The following CDH18 variants were observed in gnomAD, a reference collection of about 807,000 sequenced individuals.
CDH18 encodes the protein cadherin-18.
In CDH18, 31 loss-of-function variants were observed where a neutral mutation model predicts 67.9. The ratio of observed to expected loss-of-function variants is 0.46; its 90% CI spans 0.34 to 0.62. CDH18 has a LOEUF of 0.62. Among genes scored for constraint, CDH18 ranks in the 20% least tolerant of loss-of-function variants. CDH18 has a pLI of 0.01. For missense variants in CDH18, 890 were observed against 975.5 expected, an observed-to-expected ratio of 0.91 and a Z score of 1.17; for synonymous variants, 362 against 347.2, an observed-to-expected ratio of 1.04 and a Z score of -0.48.
chr5:19,935,911 ATTG>A (rs1442612610), intron 2 of CDH18, among the ~76,000 whole-genome samples: 1 of 146,712 alleles, frequency 6.8e-6, no homozygotes, highest in Non-Finnish European at 1.5e-5. Flanking sequence ...GTTTCGCTTA[ATTG>A]TTTAGTCACA....
intron 5 of CDH18, among the ~76,000 whole-genome samples, chr5:19,624,739 C>T (rs536072310): frequency 6.6e-6 from 1 of 152,232 alleles, no homozygotes; most frequent in African/African-American, 2.4e-5. Context: ...CTAAAGGAAG[C>T]TCAGGACCAC....
intron 1 of CDH18, among the ~76,000 whole-genome samples, chr5:20,302,442 C>T (rs1430343105): frequency 6.6e-6 from 1 of 152,136 alleles, no homozygotes; most frequent in Non-Finnish European, 1.5e-5. Context: ...TGCCTACTAT[C>T]GCTATGTCTG....
intron 1 of CDH18, among the ~76,000 whole-genome samples, chr5:20,573,566 G>C (rs1167365942): frequency 6.6e-6 from 1 of 150,502 alleles, no homozygotes; most frequent in Non-Finnish European, 1.5e-5. Context: ...AAATAAAATG[G>C]AATTATTAAA....
intron 1 of CDH18, among the ~76,000 whole-genome samples, chr5:20,371,284 G>A (rs1742979229): frequency 6.6e-6 from 1 of 152,138 alleles, no homozygotes. Flanking sequence ...GAAGACTAGA[G>A]GTAGATTATG....
At chr5:20,076,797 A>C (rs1464681801) in intron 2 of CDH18, among the ~76,000 whole-genome samples, 1 of 152,316 alleles carries the variant, frequency 6.6e-6, no homozygotes, top group African/African-American at 2.4e-5. Flanking sequence ...GTAGGATAAA[A>C]GTACTAAGGC....
chr5:20,300,303 CGT>C (rs67689740), intron 1 of CDH18, among the ~76,000 whole-genome samples: 1,823 of 148,572 alleles, frequency 0.012, 19 homozygotes, highest in African/African-American at 0.025. Context: ...TGTGTGTGTG[CGT>C]GTGTGTGTGT....
At chr5:20,496,970 T>C (rs979764312) in intron 1 of CDH18, among the ~76,000 whole-genome samples, 2 of 143,554 alleles carry the variant, frequency 1.4e-5, no homozygotes, top group South Asian at 4.7e-4. Flanking sequence ...TAGTGGAGGG[T>C]GGGGCAAAAT....
intron 3 of CDH18, among the ~76,000 whole-genome samples, chr5:19,758,189 T>G (rs1327956013): frequency 1.3e-5 from 2 of 152,180 alleles, no homozygotes; most frequent in Non-Finnish European, 2.9e-5. Context: ...AACGCTGCTG[T>G]GTATGACCCA....
intron 1 of CDH18, among the ~76,000 whole-genome samples, chr5:19,982,628 A>C (rs1466150013): frequency 6.6e-6 from 1 of 152,170 alleles, no homozygotes; most frequent in Non-Finnish European, 1.5e-5. Context: ...TATCTCTCAC[A>C]ATGGGTTGCA....
At chr5:19,886,147 C>T (rs1788166786) in intron 2 of CDH18, 1 of 152,168 alleles carries the variant, frequency 6.6e-6, no homozygotes, top group Non-Finnish European at 1.5e-5. Context: ...TCACACCACT[C>T]AATCTTTATT....
intron 1 of CDH18, among the ~76,000 whole-genome samples, chr5:20,358,932 C>CTTTT (rs66786530): frequency 3.9e-5 from 5 of 128,150 alleles, no homozygotes; most frequent in Non-Finnish European, 8.1e-5. Context: ...TTTTTTCTTT[C>CTTTT]TTTTTTTTTT....
At chr5:20,056,354 G>T in intron 2 of CDH18, among the ~76,000 whole-genome samples, 1 of 146,504 alleles carries the variant, frequency 6.8e-6, no homozygotes. Context: ...AAAAAAAAGT[G>T]CACTTTCACA....
chr5:19,488,745 T>A (rs1740803283), intron 11 of CDH18, among the ~76,000 whole-genome samples: 1 of 152,282 alleles, frequency 6.6e-6, no homozygotes, highest in South Asian at 2.1e-4. Flanking sequence ...TATATTGACA[T>A]GGAGGAAGAA....
At chr5:20,254,176 G>T (rs538554203) in intron 2 of CDH18, among the ~76,000 whole-genome samples, 1 of 152,108 alleles carries the variant, frequency 6.6e-6, no homozygotes, top group East Asian at 1.9e-4. Context: ...GCAGTGGTGC[G>T]ATCTTGGCTC....
At chr5:19,601,753 G>A (rs1747168520) in intron 6 of CDH18, among the ~76,000 whole-genome samples, 1 of 151,874 alleles carries the variant, frequency 6.6e-6, no homozygotes. Context: ...TGTACACCAT[G>A]AGCAATTGGG....
At chr5:19,726,845 G>A (rs1298740318) in intron 4 of CDH18, among the ~76,000 whole-genome samples, 2 of 152,114 alleles carry the variant, frequency 1.3e-5, no homozygotes, top group African/African-American at 4.8e-5. Context: ...TGAGGGTAGG[G>A]TTTTTGCAAA....
chr5:20,544,582 CGA>C lies in CDH18; in HGVS notation c.-580+30878_-580+30879del, dbSNP rs1757235558. Among the ~76,000 whole-genome samples, 14 of 151,836 alleles carry C rather than the reference CGA, an allele frequency of 9.2e-5. 1 individual carries two copies. The South Asian group carries it at 2.9e-3, about 32-fold the overall frequency. On this transcript the variant is annotated intron_variant, in intron 1 of 14. Coordinates refer to the CDH18 transcript ENST00000507958. ...TACATGGCAGAGGAGAGAGAGAGAG[CGA>C]GAGAGGGAAAGTGCCACACTTTTAA...
At chr5:20,099,987 TGTTGGCCAG>T (rs1279389918) in intron 2 of CDH18, among the ~76,000 whole-genome samples, 1 of 152,092 alleles carries the variant, frequency 6.6e-6, no homozygotes, top group African/African-American at 2.4e-5. Flanking sequence ...GGTTTCACCA[TGTTGGCCAG>T]GTTGGTCTCC....
intron 1 of CDH18, among the ~76,000 whole-genome samples, chr5:20,426,060 A>G (rs910418033): frequency 4.0e-5 from 6 of 151,246 alleles, no homozygotes; most frequent in Non-Finnish European, 8.8e-5. Flanking sequence ...ATCAAATATT[A>G]GGCAATATAT....
Sources: allele counts gnomAD v4.1 joint callset (sites outside exome capture counted in the v4.1 genomes callset), GRCh38; gene constraint gnomAD v4.1.1; transcripts MANE v1.5; gene names NCBI Gene and HGNC (gene_info 2026-07-23, HGNC 2026-07-21).